The following SCN10A variants were observed in gnomAD, a reference collection of about 807,000 sequenced individuals.
The protein encoded by SCN10A is sodium voltage-gated channel alpha subunit 10.
In SCN10A, 162 loss-of-function variants were observed where a neutral mutation model predicts 170.7. The ratio of observed to expected loss-of-function variants is 0.95; its 90% CI spans 0.84 to 1.08. The LOEUF (loss-of-function observed/expected upper bound fraction) is 1.08, where lower values mean the gene tolerates loss of function less well. SCN10A is among the 50% of genes least tolerant of loss of function. SCN10A has a pLI of 0.00. For missense variants in SCN10A, 2,527 were observed against 2,436.9 expected, an observed-to-expected ratio of 1.04 and a Z score of -0.78; for synonymous variants, 985 against 904.6, an observed-to-expected ratio of 1.09 and a Z score of -1.59.
intron 5 of SCN10A, among the ~76,000 whole-genome samples, chr3:38,770,890 C>G (rs544489108): frequency 1.3e-5 from 2 of 152,236 alleles, no homozygotes; most frequent in Non-Finnish European, 2.9e-5. Context: ...CAAGGCACTT[C>G]CCTTTGCTGT....
intron 13 of SCN10A, among the ~76,000 whole-genome samples, chr3:38,744,567 C>T (rs1339146538): frequency 6.6e-6 from 1 of 151,638 alleles, no homozygotes; most frequent in East Asian, 1.9e-4. Context: ...GCCACATATG[C>T]ATACATGCCT....
intron 4 of SCN10A, among the ~76,000 whole-genome samples, chr3:38,772,416 G>C (rs2064014220): frequency 6.6e-6 from 1 of 152,124 alleles, no homozygotes; most frequent in African/African-American, 2.4e-5. Flanking sequence ...TTGGCCAGGC[G>C]CTGTGGCTCA....
At chr3:38,813,687 T>C (rs867074215) in intron 1 of SCN10A, among the ~76,000 whole-genome samples, 1 of 152,292 alleles carries the variant, frequency 6.6e-6, no homozygotes, top group African/African-American at 2.4e-5. Flanking sequence ...TGGCTCTAGA[T>C]ATCTTTGGAG....
intron 1 of SCN10A, among the ~76,000 whole-genome samples, chr3:38,796,214 A>G (rs1464572259): frequency 1.3e-5 from 2 of 152,094 alleles, no homozygotes; most frequent in South Asian, 2.1e-4. Flanking sequence ...ATTAGCCCCA[A>G]ATAGCCTGTT....
chr3:38,803,824 C>G, intron 1 of SCN10A, among the ~76,000 whole-genome samples: 1 of 151,910 alleles, frequency 6.6e-6, no homozygotes, highest in East Asian at 1.9e-4. Context: ...TTTAAATTAC[C>G]CATTACTTCT....
intron 20 of SCN10A, among the ~76,000 whole-genome samples, chr3:38,719,988 T>A (rs1301694878): frequency 6.6e-6 from 1 of 152,228 alleles, no homozygotes; most frequent in African/African-American, 2.4e-5. Context: ...TCCTCCCCGC[T>A]GGGGCAGCCC....
chr3:38,698,641 C>T, intron 27 of SCN10A, 79 bp from the exon 28 acceptor site: 1 of 1,404,454 alleles, frequency 7.1e-7, no homozygotes, highest in African/African-American at 1.4e-5. Flanking sequence ...TGACACTCTG[C>T]TTTGCTTGGT....
chr3:38,757,293 T>C, intron 8 of SCN10A, 134 bp from the exon 9 acceptor site: 1 of 831,656 alleles, frequency 1.2e-6, no homozygotes, highest in Non-Finnish European at 1.8e-6. Context: ...CAGGATGATC[T>C]TGGACACTTG....
chr3:38,724,669 C>T (rs1304029841), intron 18 of SCN10A, among the ~76,000 whole-genome samples: 1 of 152,196 alleles, frequency 6.6e-6, no homozygotes. Context: ...GTGAGCACCT[C>T]CAACTCTTAT....
chr3:38,783,843 C>T (rs2064167438), intron 4 of SCN10A, among the ~76,000 whole-genome samples: 2 of 151,998 alleles, frequency 1.3e-5, no homozygotes, highest in African/African-American at 4.8e-5. Context: ...GTTTCTGTTG[C>T]TCCATGTCAT....
chr3:38,701,860 C>A lies in SCN10A; in HGVS notation c.4636G>T (p.Val1546Leu). The A allele has an allele frequency of 6.2e-7, 1 of 1,611,328 alleles. No individual in the cohort carries two copies. The highest frequency in any genetic ancestry group is 8.5e-7 in the Non-Finnish European group (1 of 1,178,624). The change falls in exon 27 of 28, where the codon GTG (valine) becomes TTG (leucine). Residue 1546 changes from valine to leucine, a missense_variant. Val to Leu is a conservative substitution (Grantham distance 32). Transcript: ENST00000449082. ...TNGWNVFDFI[V>L]VVLSIASLIF... is the part of the protein sequence containing the mutation. ...TTACTCGCAATGGAGAGAACCACCA[C>A]AATGAAGTCAAACACATTCCAGCCA...
chr3:38,713,960 G>C lies in SCN10A; in HGVS notation c.3802C>G (p.Arg1268Gly). ...AGAAGTTTTGAGATCAGACTTACCCGCATGCCTTCAAATCGAGAAAGAGCC... is the reference window on the plus strand; with the variant it reads ...AGAAGTTTTGAGATCAGACTTACCCCCATGCCTTCAAATCGAGAAAGAGCC... The part of the protein sequence containing the change: ...LRALSRFEGM[R>G]VVVDALVGAI... The change falls in exon 22 of 28, where the codon CGG becomes GGG. Residue 1268 changes from arginine (R) to glycine (G), a missense_variant and splice_region_variant. Physicochemically the swap from Arg to Gly is moderately radical, Grantham distance 125. Transcript: ENST00000449082. 5 of 1,613,268 alleles carry C rather than the reference G, an allele frequency of 3.1e-6. No homozygotes were observed. Among genetic ancestry groups the C allele is most frequent in the Non-Finnish European group, 4.2e-6 (5 of 1,179,984 alleles).
chr3:38,767,517 A>G (rs1450964774), intron 5 of SCN10A, among the ~76,000 whole-genome samples: 1 of 151,950 alleles, frequency 6.6e-6, no homozygotes, highest in Non-Finnish European at 1.5e-5. Context: ...TCAAGAGCAG[A>G]TTGTTTAGTT....
At chr3:38,813,654 C>T (rs1454458657) in intron 1 of SCN10A, among the ~76,000 whole-genome samples, 2 of 152,156 alleles carry the variant, frequency 1.3e-5, no homozygotes, top group Admixed American at 6.5e-5. Context: ...CCTTCCTACC[C>T]TCATGAACTA....
At chr3:38,768,516 A>G (rs1243939569) in intron 5 of SCN10A, among the ~76,000 whole-genome samples, 2 of 152,182 alleles carry the variant, frequency 1.3e-5, no homozygotes, top group Non-Finnish European at 2.9e-5. Flanking sequence ...TTCTCTTCAT[A>G]CAATATTCTT....
At chr3:38,750,962 T>C (rs944687031) in intron 12 of SCN10A, among the ~76,000 whole-genome samples, 5 of 152,168 alleles carry the variant, frequency 3.3e-5, no homozygotes, top group Admixed American at 2.6e-4. Context: ...GTTTTGGTGA[T>C]TCCATTTGCC....
At chr3:38,797,885 C>A (rs2064349354) in intron 1 of SCN10A, among the ~76,000 whole-genome samples, 1 of 152,162 alleles carries the variant, frequency 6.6e-6, no homozygotes, top group African/African-American at 2.4e-5. Flanking sequence ...TTATTCTGGG[C>A]TACCATAAAT....
intron 1 of SCN10A, among the ~76,000 whole-genome samples, chr3:38,803,446 T>C (rs1031272392): frequency 1.3e-5 from 2 of 152,092 alleles, no homozygotes; most frequent in African/African-American, 2.4e-5. Context: ...GTGGCACATA[T>C]ACACCACAGA....
chr3:38,812,513 T>A (rs1344312481), intron 1 of SCN10A, among the ~76,000 whole-genome samples: 7 of 152,162 alleles, frequency 4.6e-5, no homozygotes, highest in Non-Finnish European at 7.4e-5. Context: ...TACAGTTTGA[T>A]GCTTTTTAAA....
Sources: gnomAD v4.1 joint callset for allele counts (sites outside exome capture counted in the v4.1 genomes callset) on GRCh38, gnomAD v4.1.1 for gene constraint, MANE v1.5 for transcripts, NCBI Gene and HGNC (gene_info 2026-07-23, HGNC 2026-07-21) for gene names.